Variants in FBXL7 observed in about 807,000 individuals in gnomAD.
FBXL7 encodes the protein F-box/LRR-repeat protein 7.
A neutral mutation model predicts 38.3 loss-of-function variants in FBXL7; 12 were observed. The ratio of observed to expected loss-of-function variants is 0.31; its 90% confidence interval spans 0.20 to 0.51. The LOEUF (loss-of-function observed/expected upper bound fraction) is 0.51, where lower values mean the gene tolerates loss of function less well. Ranked by LOEUF, FBXL7 falls within the 20% of genes least tolerant of loss-of-function variation. The pLI is 0.98. For missense variants in FBXL7, 567 were observed against 676.4 expected (o/e 0.84, Z 1.79); for synonymous variants, 297 against 300.9 (o/e 0.99, Z 0.13).
chr5:15,653,790 C>T (rs1741783308), intron 2 of FBXL7, among the ~76,000 whole-genome samples: 1 of 152,170 alleles, frequency 6.6e-6, no homozygotes, highest in Admixed American at 6.5e-5. Context: ...TTGTTTTATT[C>T]ATTTGTCCTC....
intron 1 of FBXL7, among the ~76,000 whole-genome samples, chr5:15,520,018 AAAC>A (rs1477829630): frequency 6.6e-6 from 1 of 152,200 alleles, no homozygotes; most frequent in Non-Finnish European, 1.5e-5. Context: ...ATGATATGCT[AAAC>A]AAGTGGTGGA....
intron 2 of FBXL7, among the ~76,000 whole-genome samples, chr5:15,625,112 C>G (rs1230653202): frequency 3.9e-5 from 6 of 152,026 alleles, no homozygotes; most frequent in Non-Finnish European, 8.8e-5. Context: ...ATTACCTGGC[C>G]TCAGACATTC....
chr5:15,766,340 TC>T (rs1436877744), intron 2 of FBXL7, among the ~76,000 whole-genome samples: 1 of 152,200 alleles, frequency 6.6e-6, no homozygotes, highest in East Asian at 1.9e-4. Context: ...ATCTCTGTCT[TC>T]CCACCTGCGC....
Position 15,518,270 on chromosome 5 carries a change from G to A in FBXL7, c.37+17557G>A, listed in dbSNP as rs531356021. Among the ~76,000 whole-genome samples, 216 of 152,204 alleles carry A rather than the reference G, an allele frequency of 1.4e-3. 1 individual carries two copies. In the Middle Eastern group the frequency reaches 0.024, roughly 17 times the overall value. ...ACATGAGCCACCGTGCCCGGCCACA[G>A]GTTCAGTTTTAGCTACTTTGCTGTA... On this transcript the variant is annotated intron_variant, in intron 1 of 3. Transcript: ENST00000504595.
At chr5:15,508,306 C>G (rs1736700971) in intron 1 of FBXL7, among the ~76,000 whole-genome samples, 1 of 152,102 alleles carries the variant, frequency 6.6e-6, no homozygotes, top group Non-Finnish European at 1.5e-5. Flanking sequence ...GGCTTTTGCA[C>G]TATGGTAAAG....
chr5:15,701,673 A>C (rs1379858286), intron 2 of FBXL7, among the ~76,000 whole-genome samples: 1 of 152,232 alleles, frequency 6.6e-6, no homozygotes, highest in East Asian at 1.9e-4. Flanking sequence ...AATGTAATAG[A>C]AAAACAATAT....
In FBXL7 at chr5:15,843,117, CTTGT is replaced by C. The variant is rs775705868; in HGVS notation, c.128-84770_128-84767del. On this transcript the variant is annotated intron_variant, in intron 2 of 3. Transcript: ENST00000504595. The stretch of plus-strand genomic sequence containing the variant: ...TAATTTTCAGGAAATTTCTATCTCT[CTTGT>C]TTATTTCCTCAAATTTTCTACATAT... 1.1e-3 allele frequency among the ~76,000 whole-genome samples: 169 copies of C among 152,240 alleles called. 1 individual carries two copies. Among genetic ancestry groups the C allele is most frequent in the Non-Finnish European group, 1.9e-3 (130 of 67,988 alleles).
intron 2 of FBXL7, among the ~76,000 whole-genome samples, chr5:15,820,035 A>G (rs1229918810): frequency 3.3e-5 from 5 of 152,228 alleles, no homozygotes; most frequent in Non-Finnish European, 1.5e-5. Context: ...CAGCTCTGTT[A>G]TTCAGAGTCT....
chr5:15,801,528 T>C (rs1170540245), intron 2 of FBXL7, among the ~76,000 whole-genome samples: 1 of 152,238 alleles, frequency 6.6e-6, no homozygotes, highest in African/African-American at 2.4e-5. Flanking sequence ...TATAGGCTTT[T>C]ATCAACTGAT....
chr5:15,751,462 C>T (rs1252803098), intron 2 of FBXL7, among the ~76,000 whole-genome samples: 1 of 152,182 alleles, frequency 6.6e-6, no homozygotes, highest in Non-Finnish European at 1.5e-5. Context: ...TATAGACTTA[C>T]ATCTACAAAT....
At chr5:15,811,499 C>G (rs1027487328) in intron 2 of FBXL7, among the ~76,000 whole-genome samples, 6 of 152,096 alleles carry the variant, frequency 3.9e-5, no homozygotes, top group Non-Finnish European at 8.8e-5. Context: ...TAACACCTCA[C>G]TTTAAGTTAC....
At chr5:15,636,921 C>G (rs1210310325) in intron 2 of FBXL7, among the ~76,000 whole-genome samples, 2 of 151,770 alleles carry the variant, frequency 1.3e-5, no homozygotes, top group African/African-American at 2.4e-5. Flanking sequence ...GGAAGTAGTG[C>G]ATTTTCATCA....
At position 15,821,418 on chromosome 5, in the gene FBXL7, G is replaced by A. The variant is rs139915307; in HGVS notation, c.128-106472G>A. Among the ~76,000 whole-genome samples, 31 of 152,228 alleles carry A rather than the reference G, an allele frequency of 2.0e-4. 1 individual carries two copies. The East Asian group carries it at 4.6e-3, about 23-fold the overall frequency. ...GTAACATGACAGCTCTCAAAAACCC[G>A]TCGCACAGGGAGAAGGACATTCATT... On this transcript the variant is annotated intron_variant, in intron 2 of 3. Coordinates refer to ENST00000504595, the MANE Select transcript of FBXL7 (RefSeq NM_012304.5).
chr5:15,629,586 A>C (rs1740932455), intron 2 of FBXL7, among the ~76,000 whole-genome samples: 1 of 152,148 alleles, frequency 6.6e-6, no homozygotes, highest in African/African-American at 2.4e-5. Context: ...CAGCAATGCC[A>C]GTACTAGGCC....
chr5:15,829,167 A>G (rs1314597425), intron 2 of FBXL7, among the ~76,000 whole-genome samples: 1 of 152,174 alleles, frequency 6.6e-6, no homozygotes, highest in Non-Finnish European at 1.5e-5. Context: ...TTCTTATTTA[A>G]TAGTGACCCT....
chr5:15,927,191 C>T (rs1345992728), intron 2 of FBXL7, among the ~76,000 whole-genome samples: 4 of 152,040 alleles, frequency 2.6e-5, no homozygotes, highest in Admixed American at 1.3e-4. Flanking sequence ...AAAACAGCCA[C>T]GCTCCTTTGT....
chr5:15,883,886 T>C (rs35573147), intron 2 of FBXL7, among the ~76,000 whole-genome samples: 89,481 of 152,030 alleles, frequency 0.59, 26,625 homozygotes, highest in Non-Finnish European at 0.64. Context: ...TAAATACTTA[T>C]GGGATTAATT....
chr5:15,659,974 G>T (rs1353609613), intron 2 of FBXL7, among the ~76,000 whole-genome samples: 1 of 152,098 alleles, frequency 6.6e-6, no homozygotes, highest in Non-Finnish European at 1.5e-5. Flanking sequence ...TTTTACTTTT[G>T]TAAACCAAAT....
At chr5:15,576,072 C>CTTTTT (rs35832237) in intron 1 of FBXL7, among the ~76,000 whole-genome samples, 2 of 74,286 alleles carry the variant, frequency 2.7e-5, no homozygotes, top group Admixed American at 1.8e-4. Context: ...GAATCTCATT[C>CTTTTT]TTTTTTTTTT....
Sources: allele counts gnomAD v4.1 joint callset (sites outside exome capture counted in the v4.1 genomes callset), GRCh38; gene constraint gnomAD v4.1.1; transcripts MANE v1.5; gene names NCBI Gene and HGNC (gene_info 2026-07-23, HGNC 2026-07-21).